Variants in KIF6 observed in about 807,000 individuals in gnomAD.
KIF6 encodes kinesin-like protein KIF6.
A neutral mutation model predicts 112.7 loss-of-function variants in KIF6; 106 were observed. The observed-to-expected ratio is 0.94, with a 90% confidence interval of 0.80 to 1.11. The LOEUF is 1.11. KIF6 is among the 50% of genes least tolerant of loss of function. The pLI, the probability that KIF6 is intolerant of heterozygous loss-of-function variation, is 0.00. For synonymous variants in KIF6, 339 were observed against 339.9 expected (o/e 1.00, Z 0.03); for missense variants, 929 against 964.0 (o/e 0.96, Z 0.48).
intron 13 of KIF6, among the ~76,000 whole-genome samples, chr6:39,444,400 T>G (rs1186303297): frequency 1.3e-5 from 2 of 152,206 alleles, no homozygotes; most frequent in Non-Finnish European, 2.9e-5. Flanking sequence ...TCAAGTTAGG[T>G]AATACATCCA....
rs181605474 is a variant in KIF6 at position 39,411,924 on chromosome 6, T to C, written c.1810+8024A>G. On this transcript the variant is annotated intron_variant, in intron 15 of 22. Transcript: ENST00000287152. ...CCTGGCTATAAAAGAACATCCACCA[T>C]GGTAAATAAATAAGTTGTCCCCCTG... Among the ~76,000 whole-genome samples the C allele has an allele frequency of 2.0e-3, 300 of 152,288 alleles. 1 individual carries two copies. Among genetic ancestry groups the C allele is most frequent in the Admixed American group, 6.5e-3 (99 of 15,300 alleles).
At chr6:39,529,223 A>G (rs1477276510) in intron 13 of KIF6, among the ~76,000 whole-genome samples, 2 of 152,230 alleles carry the variant, frequency 1.3e-5, no homozygotes, top group African/African-American at 4.8e-5. Context: ...AGATGGGGGA[A>G]AAAACTACAT....
At chr6:39,400,226 T>C (rs1768588176) in intron 15 of KIF6, among the ~76,000 whole-genome samples, 1 of 152,202 alleles carries the variant, frequency 6.6e-6, no homozygotes, top group Non-Finnish European at 1.5e-5. Context: ...CCTTTAGTGC[T>C]GTCACCCCTC....
intron 3 of KIF6, among the ~76,000 whole-genome samples, chr6:39,678,243 G>T (rs575082312): frequency 6.6e-6 from 1 of 152,044 alleles, no homozygotes; most frequent in African/African-American, 2.4e-5. Flanking sequence ...AGTCAGTGTG[G>T]CGATTCCTCA....
chr6:39,680,926 T>G (rs1378713097), intron 3 of KIF6, among the ~76,000 whole-genome samples: 2 of 152,256 alleles, frequency 1.3e-5, no homozygotes, highest in East Asian at 3.9e-4. Flanking sequence ...GTATGGTCAG[T>G]GTACAGGACA....
intron 10 of KIF6, among the ~76,000 whole-genome samples, chr6:39,558,786 T>A (rs1420723070): frequency 6.6e-6 from 1 of 152,220 alleles, no homozygotes; most frequent in Non-Finnish European, 1.5e-5. Flanking sequence ...GGAATTGCCA[T>A]TTATGCCTCA....
At chr6:39,576,750 T>G (rs1780995699) in intron 10 of KIF6, among the ~76,000 whole-genome samples, 1 of 152,192 alleles carries the variant, frequency 6.6e-6, no homozygotes, top group Non-Finnish European at 1.5e-5. Flanking sequence ...GCATAGAAGC[T>G]CCTGCTGTTA....
intron 15 of KIF6, among the ~76,000 whole-genome samples, chr6:39,404,362 T>C (rs377180573): frequency 6.6e-6 from 1 of 152,328 alleles, no homozygotes; most frequent in East Asian, 1.9e-4. Flanking sequence ...TAAGATTACA[T>C]TGAGATTCTT....
At chr6:39,706,560 C>T (rs1789223099) in intron 3 of KIF6, among the ~76,000 whole-genome samples, 1 of 152,158 alleles carries the variant, frequency 6.6e-6, no homozygotes, top group Non-Finnish European at 1.5e-5. Flanking sequence ...TTAAAATTGT[C>T]ACACTTAAAA....
chr6:39,620,366 A>G (rs1783747427), intron 5 of KIF6: 1 of 152,210 alleles, frequency 6.6e-6, no homozygotes, highest in African/African-American at 2.4e-5. Context: ...TATGTACTCA[A>G]GTTTTCCACA....
At chr6:39,627,327 C>A (rs1784140874) in intron 5 of KIF6, among the ~76,000 whole-genome samples, 1 of 152,098 alleles carries the variant, frequency 6.6e-6, no homozygotes, top group South Asian at 2.1e-4. Context: ...GAGCTCTTGT[C>A]ATTTTTTTTG....
intron 13 of KIF6, among the ~76,000 whole-genome samples, chr6:39,445,623 G>C (rs1161329443): frequency 1.3e-5 from 2 of 152,234 alleles, no homozygotes; most frequent in Non-Finnish European, 2.9e-5. Flanking sequence ...GGCATCAAAG[G>C]TCACGTGGTT....
intron 15 of KIF6, among the ~76,000 whole-genome samples, chr6:39,391,558 G>A (rs558318171): frequency 3.0e-4 from 46 of 152,354 alleles, no homozygotes; most frequent in Non-Finnish European, 5.7e-4. Flanking sequence ...TGTCTTTACT[G>A]GAGTTGATTC....
intron 3 of KIF6, among the ~76,000 whole-genome samples, chr6:39,650,163 A>C (rs1785397906): frequency 6.6e-6 from 1 of 152,174 alleles, no homozygotes; most frequent in African/African-American, 2.4e-5. Context: ...ATCATGGGGC[A>C]CCTAATCCAA....
intron 13 of KIF6, among the ~76,000 whole-genome samples, chr6:39,512,738 C>T (rs573571861): frequency 3.9e-5 from 6 of 152,204 alleles, no homozygotes; most frequent in Non-Finnish European, 8.8e-5. Context: ...CTGGCTCCTG[C>T]AGATCCTTTC....
At chr6:39,400,144 AGG>A (rs1768578890) in intron 15 of KIF6, among the ~76,000 whole-genome samples, 1 of 152,202 alleles carries the variant, frequency 6.6e-6, no homozygotes, top group Admixed American at 6.5e-5. Flanking sequence ...GGGAATAAGA[AGG>A]AGACGCACCC....
At position 39,725,370 on chromosome 6, in the gene KIF6, C is replaced by T. The variant is rs1031825283; in HGVS notation, c.-60G>A. 1 of 1,371,612 alleles carries T rather than the reference C, an allele frequency of 7.3e-7. No individual in the cohort carries two copies. Among genetic ancestry groups the T allele is most frequent in the Non-Finnish European group, 1.0e-6 (1 of 972,930 alleles). The allele number at this position is 1,371,612 out of a possible 1,614,324, so 85.0% of individuals were successfully genotyped here. A position where few individuals can be genotyped will look rare whatever the true frequency, so the allele number is the denominator to read the frequency against. ...CTCAGGCCCGGGCTGCCAAAACTAA[C>T]TCCCACCACCTCCGGCGACCCACAG... is the stretch of plus-strand genomic sequence containing the variant. On this transcript the variant is annotated 5_prime_UTR_variant, in exon 1 of 23. Coordinates refer to ENST00000287152, the MANE Select transcript of KIF6 (RefSeq NM_145027.6).
intron 13 of KIF6, among the ~76,000 whole-genome samples, chr6:39,439,991 T>C (rs1324139533): frequency 2.6e-5 from 4 of 152,236 alleles, no homozygotes; most frequent in African/African-American, 9.6e-5. Context: ...AGTTGTGTTA[T>C]TCATGCTGAA....
intron 3 of KIF6, among the ~76,000 whole-genome samples, chr6:39,701,565 T>A (rs1041057926): frequency 1.3e-5 from 2 of 152,246 alleles, no homozygotes; most frequent in Non-Finnish European, 2.9e-5. Context: ...GGACTTCACT[T>A]ACAAAACATA....
Sources: allele counts gnomAD v4.1 joint callset (sites outside exome capture counted in the v4.1 genomes callset), GRCh38; gene constraint gnomAD v4.1.1; transcripts MANE v1.5; gene names NCBI Gene and HGNC (gene_info 2026-07-23, HGNC 2026-07-21).